RRP12: variants seen among roughly 807,000 people sequenced by gnomAD.
The protein encoded by RRP12 is ribosomal RNA processing 12 homolog.
RRP12 carries 78 observed loss-of-function variants against 157.3 expected under a neutral mutation model. The observed-to-expected ratio is 0.50, with a 90% CI of 0.41 to 0.60. The LOEUF (loss-of-function observed/expected upper bound fraction) is 0.60. Among genes scored for constraint, RRP12 ranks in the 20% least tolerant of loss-of-function variants. The pLI, the probability that RRP12 is intolerant of heterozygous loss-of-function variation, is 0.00. For missense variants in RRP12, 1,521 were observed against 1,679.9 expected (o/e 0.91, Z 1.65); for synonymous variants, 726 against 670.9 (o/e 1.08, Z -1.27).
chr10:97,370,015 G>C lies in RRP12; in HGVS notation c.2797+152C>G, dbSNP rs537435943. Reference sequence around the variant, plus strand: ...AAGGGCGGGAGGCAGCGACCCGCAGGAAGGGAGACAGGGAGGCAAACTGGG... The same window carrying C: ...AAGGGCGGGAGGCAGCGACCCGCAGCAAGGGAGACAGGGAGGCAAACTGGG... On this transcript the variant is annotated intron_variant, in intron 24 of 33. Transcript: ENST00000370992. 17 of 622,968 alleles carry C rather than the reference G, an allele frequency of 2.7e-5. No homozygotes were observed. The South Asian group carries it at 3.0e-4, about 11-fold the overall frequency. 38.6% of individuals were successfully genotyped at this position (622,968 alleles called of 1,614,324 possible).
At chr10:97,360,856 G>A (rs563381929) in intron 30 of RRP12, among the ~76,000 whole-genome samples, 1 of 152,304 alleles carries the variant, frequency 6.6e-6, no homozygotes, top group East Asian at 1.9e-4. Context: ...CCGGGCTGGT[G>A]GCGGCCGTTC....
At chr10:97,381,872 G>T in intron 10 of RRP12, 46 bp from the exon 11 acceptor site, 3 of 1,440,462 alleles carry the variant, frequency 2.1e-6, no homozygotes, top group South Asian at 2.3e-5. Flanking sequence ...GAGCCCTGGG[G>T]ACCCGGGCAA....
intron 10 of RRP12, among the ~76,000 whole-genome samples, chr10:97,382,181 G>A (rs1160463762): frequency 2.3e-5 from 3 of 132,228 alleles, no homozygotes; most frequent in African/African-American, 9.2e-5. Context: ...AGTAACTTCT[G>A]CTAACTTTTT....
intron 15 of RRP12, among the ~76,000 whole-genome samples, chr10:97,378,808 G>A (rs960998843): frequency 1.3e-5 from 2 of 152,126 alleles, no homozygotes; most frequent in African/African-American, 4.8e-5. Flanking sequence ...AGTGAGCCGA[G>A]ATTGCGCCAC....
chr10:97,392,198 C>G (rs1844827367), intron 4 of RRP12, among the ~76,000 whole-genome samples: 1 of 152,082 alleles, frequency 6.6e-6, no homozygotes, highest in African/African-American at 2.4e-5. Flanking sequence ...TTTCGAACTC[C>G]TGGGCTCAAC....
chr10:97,365,587 T>C (rs1324133276), intron 29 of RRP12, among the ~76,000 whole-genome samples: 1 of 152,016 alleles, frequency 6.6e-6, no homozygotes, highest in Non-Finnish European at 1.5e-5. Context: ...CCTAAGTGTT[T>C]CTTAGCTAAT....
intron 29 of RRP12, among the ~76,000 whole-genome samples, chr10:97,364,372 T>C (rs1172574195): frequency 1.3e-5 from 2 of 152,018 alleles, no homozygotes; most frequent in South Asian, 2.1e-4. Flanking sequence ...AACTGACCAA[T>C]TGGAGGGAAG....
chr10:97,395,567 T>C (rs1189829612), intron 3 of RRP12, among the ~76,000 whole-genome samples: 1 of 142,978 alleles, frequency 7.0e-6, no homozygotes, highest in Non-Finnish European at 1.6e-5. Context: ...AAAAAAAAAG[T>C]AGACCAGGCC....
rs141938216 is a variant in RRP12, at chr10:97,382,823, G to A, written c.1209-997C>T. On this transcript the variant is annotated intron_variant, in intron 10 of 33. Transcript: ENST00000370992. ...GTCACCCAGGCTGGAGAACAGTGGT[G>A]CGATCTCAGTTTACTGCAACCTCCA... Among the ~76,000 whole-genome samples, 420 of 151,244 alleles carry A rather than the reference G, an allele frequency of 2.8e-3. 1 individual carries two copies. The highest frequency in any genetic ancestry group is 9.9e-3 in the African/African-American group (407 of 41,092).
chr10:97,390,520 G>A lies in RRP12; in HGVS notation c.656C>T (p.Thr219Ile), dbSNP rs150603065. 1.1e-4 allele frequency: 183 copies of A among 1,613,814 alleles called. 1 individual carries two copies. In the African/African-American group the frequency reaches 2.0e-3, roughly 18 times the overall value. The change falls in exon 6 of 34, where the codon ACC (threonine) becomes ATC (isoleucine). Residue 219 changes from threonine to isoleucine, a missense_variant. Physicochemically the swap from Thr to Ile is moderately conservative, Grantham distance 89 (BLOSUM62 -1). Transcript: ENST00000370992. ...VLRWVLSCLA[T>I]LLRKQDLEAW... ...CTCCAGGTCTTGCTTCCGCAGAAGG[G>A]TGGCCAGGCAGGAAAGGACCTGGAA...
At chr10:97,372,643 T>G in intron 19 of RRP12, 93 bp downstream of exon 19, 1 of 1,011,356 alleles carries the variant, frequency 9.9e-7, no homozygotes, top group East Asian at 2.6e-5. Flanking sequence ...CTTCCTTAAA[T>G]AATGCAAGAG....
chr10:97,380,663 G>A, intron 13 of RRP12, 136 bp downstream of exon 13: 1 of 658,408 alleles, frequency 1.5e-6, no homozygotes, highest in Non-Finnish European at 2.7e-6. Flanking sequence ...GATACTGCAT[G>A]GGGCACCTGC....
At chr10:97,389,529 G>GC (rs1844742137) in intron 6 of RRP12, among the ~76,000 whole-genome samples, 1 of 152,102 alleles carries the variant, frequency 6.6e-6, no homozygotes, top group African/African-American at 2.4e-5. Context: ...GGCTGACGGT[G>GC]CTTAGCACTG....
rs753162421 is a variant in RRP12, at chr10:97,366,835, C to T, written c.3122G>A (p.Arg1041Gln). 2.3e-5 allele frequency: 37 copies of T among 1,614,062 alleles called. No homozygotes were observed. The Admixed American group carries it at 3.0e-4, about 13-fold the overall frequency. Residue 1041 changes from arginine (R) to glutamine (Q), a missense_variant, in exon 27 of 34, where the codon CGG becomes CAG. Coordinates refer to ENST00000370992, the MANE Select transcript of RRP12 (RefSeq NM_015179.4). ...VLVNIRKAEARAKRHRALSQA... is the reference protein window; with the variant it reads ...VLVNIRKAEAQAKRHRALSQA... ...GCTCAGGGCTCGGTGCCTCTTGGCC[C>T]GGGCCTCAGCTTTCCGGATGTTGAC...
intron 23 of RRP12, 27 bp downstream of exon 23, chr10:97,370,428 G>A: frequency 1.3e-6 from 2 of 1,525,264 alleles, no homozygotes; most frequent in Non-Finnish European, 1.8e-6. Context: ...TGAGCAGAGT[G>A]TCCACCCCCA....
chr10:97,367,510 T>C (rs12248859), intron 25 of RRP12: 13,387 of 236,604 alleles, frequency 0.057, 1,617 homozygotes, highest in African/African-American at 0.27. Flanking sequence ...TAAATGGCCA[T>C]AGAGGTGGGA....
chr10:97,398,204 G>A (rs1234497532), intron 2 of RRP12, among the ~76,000 whole-genome samples: 1 of 97,544 alleles, frequency 1.0e-5, no homozygotes, highest in South Asian at 3.4e-4. Flanking sequence ...ACAGGCGCCC[G>A]CCACCGCGCC....
At chr10:97,382,634 G>A (rs553207025) in intron 10 of RRP12, among the ~76,000 whole-genome samples, 9 of 152,282 alleles carry the variant, frequency 5.9e-5, no homozygotes, top group Non-Finnish European at 1.0e-4. Flanking sequence ...CACACCCTTA[G>A]CAATGTGGTT....
chr10:97,385,645 G>A (rs1380021702), intron 9 of RRP12, among the ~76,000 whole-genome samples: 3 of 152,044 alleles, frequency 2.0e-5, no homozygotes, highest in Non-Finnish European at 2.9e-5. Context: ...TGAGCACCAC[G>A]AGACCATGCT....
Sources: allele counts gnomAD v4.1 joint callset (sites outside exome capture counted in the v4.1 genomes callset), GRCh38; gene constraint gnomAD v4.1.1; transcripts MANE v1.5; gene names NCBI Gene and HGNC (gene_info 2026-07-23, HGNC 2026-07-21).